Variants in CSMD2 observed in about 807,000 individuals in gnomAD.
CSMD2 encodes CUB and Sushi multiple domains 2.
CSMD2 carries 130 observed loss-of-function variants against 398.5 expected under a neutral mutation model. That is an observed-to-expected ratio of 0.33 (90% confidence interval 0.28 to 0.38). CSMD2 has a LOEUF of 0.38. CSMD2 is among the 10% of genes least tolerant of loss of function. CSMD2 has a pLI of 1.00. For missense variants in CSMD2, 3,829 were observed against 4,764.9 expected, an observed-to-expected ratio of 0.80 and a Z score of 5.78; for synonymous variants, 1,828 against 1,908.5, an observed-to-expected ratio of 0.96 and a Z score of 1.10.
At chr1:33,769,327 C>A (rs2149322135) in intron 13 of CSMD2, among the ~76,000 whole-genome samples, 1 of 152,270 alleles carries the variant, frequency 6.6e-6, no homozygotes, top group South Asian at 2.1e-4. Context: ...AACTCTGAAT[C>A]CAATGCATGG....
At chr1:33,598,308 G>GAGA (rs2148794539) in intron 44 of CSMD2, among the ~76,000 whole-genome samples, 1 of 152,244 alleles carries the variant, frequency 6.6e-6, no homozygotes, top group South Asian at 2.1e-4. Context: ...TGCCTCTCTT[G>GAGA]CTCACTCATC....
intron 3 of CSMD2, among the ~76,000 whole-genome samples, chr1:33,995,761 T>C (rs774577292): frequency 1.3e-5 from 2 of 152,242 alleles, no homozygotes; most frequent in Admixed American, 1.3e-4. Context: ...AATGGACTTA[T>C]CGCGAATAGG....
chr1:34,041,071 G>GCTAT (rs1484922828), intron 2 of CSMD2, among the ~76,000 whole-genome samples: 3 of 152,122 alleles, frequency 2.0e-5, no homozygotes, highest in Non-Finnish European at 4.4e-5. Context: ...GCTGCAGTGA[G>GCTAT]CTATGATCAT....
Position 33,847,594 on chromosome 1 carries a change from T to C in CSMD2, c.921-598A>G, listed in dbSNP as rs140686782. On this transcript the variant is annotated intron_variant, in intron 5 of 70. Coordinates refer to ENST00000373381, the MANE Select transcript of CSMD2 (RefSeq NM_001281956.2). ...AATCGAGGTCAGTATCTGGCACATGTTAGCTTAATAAATATAATTTTCCTT... is the reference window on the plus strand; with the variant it reads ...AATCGAGGTCAGTATCTGGCACATGCTAGCTTAATAAATATAATTTTCCTT... 4.9e-3 allele frequency among the ~76,000 whole-genome samples: 742 copies of C among 152,178 alleles called. 6 individuals are homozygous for C. Among genetic ancestry groups the C allele is most frequent in the African/African-American group, 0.017 (695 of 41,526 alleles).
intron 6 of CSMD2, among the ~76,000 whole-genome samples, chr1:33,831,135 C>T (rs9729632): frequency 0.78 from 118,864 of 151,434 alleles, 47,495 homozygotes; most frequent in East Asian, 0.94. Flanking sequence ...GGCAGGCCAA[C>T]GTTCAGATTC....
intron 5 of CSMD2, among the ~76,000 whole-genome samples, chr1:33,886,339 G>A (rs779129904): frequency 1.3e-5 from 2 of 152,198 alleles, no homozygotes; most frequent in Non-Finnish European, 1.5e-5. Context: ...TGTTCCAGGT[G>A]TGAGAGCACC....
intron 1 of CSMD2, among the ~76,000 whole-genome samples, chr1:34,145,489 C>T (rs1469209845): frequency 1.3e-5 from 2 of 152,358 alleles, no homozygotes; most frequent in African/African-American, 2.4e-5. Context: ...CCCTTGGCAG[C>T]ATCTCCCAGT....
At chr1:33,761,584 A>C (rs1195681471) in intron 13 of CSMD2, among the ~76,000 whole-genome samples, 1 of 152,182 alleles carries the variant, frequency 6.6e-6, no homozygotes, top group Non-Finnish European at 1.5e-5. Context: ...TCAGGACTGT[A>C]GGCCCAGGTC....
rs185018011 is a variant in CSMD2, at chr1:33,533,271, G to A, written c.9992-42C>T. The A allele has an allele frequency of 5.7e-5, 89 of 1,567,706 alleles. No homozygotes were observed. The East Asian group carries it at 1.1e-3, about 20-fold the overall frequency. On this transcript the variant is annotated intron_variant, in intron 63 of 70. Coordinates refer to ENST00000373381, the MANE Select transcript of CSMD2 (RefSeq NM_001281956.2). This position sits in a 1 kb window ranked among gnomAD's most constrained non-coding sequence, Gnocchi z 4.2. The stretch of plus-strand genomic sequence containing the variant: ...ACCCTGTTGGACTGGAGGAGATTAG[G>A]GGCTTCAGGGGCCCTTTCGACCATT...
At chr1:33,608,199 C>G (rs1341965310) in intron 41 of CSMD2, among the ~76,000 whole-genome samples, 1 of 152,062 alleles carries the variant, frequency 6.6e-6, no homozygotes, top group Admixed American at 6.5e-5. Flanking sequence ...CCTCTTCTGT[C>G]GAGGGAGTCA....
intron 44 of CSMD2, chr1:33,592,267 T>C (rs1639511256): frequency 1.5e-6 from 1 of 672,606 alleles, no homozygotes; most frequent in South Asian, 1.6e-5. Flanking sequence ...ACATGGAAAG[T>C]AGAAGAGCAG....
At chr1:33,601,805 T>C (rs1216158473) in intron 43 of CSMD2, among the ~76,000 whole-genome samples, 1 of 152,256 alleles carries the variant, frequency 6.6e-6, no homozygotes, top group African/African-American at 2.4e-5. Context: ...CATGGCTATT[T>C]ACATTTAAAT....
intron 4 of CSMD2, among the ~76,000 whole-genome samples, chr1:33,925,714 T>C (rs1303366103): frequency 2.6e-5 from 4 of 152,064 alleles, no homozygotes; most frequent in African/African-American, 9.7e-5. Context: ...GTTGGAACCA[T>C]CAATAACCCC....
chr1:33,572,169 A>G (rs1323102440), intron 50 of CSMD2, among the ~76,000 whole-genome samples: 1 of 152,212 alleles, frequency 6.6e-6, no homozygotes, highest in African/African-American at 2.4e-5. Context: ...GGAGGTTGCC[A>G]TTTTGTGATC....
chr1:33,769,252 C>A (rs766193540), intron 13 of CSMD2, among the ~76,000 whole-genome samples: 3 of 152,218 alleles, frequency 2.0e-5, no homozygotes, highest in African/African-American at 7.2e-5. Flanking sequence ...AGAATATATG[C>A]AGCCTGGCCA....
chr1:33,667,854 G>A (rs1283441321), intron 25 of CSMD2, among the ~76,000 whole-genome samples: 3 of 152,282 alleles, frequency 2.0e-5, no homozygotes, highest in South Asian at 2.1e-4. Context: ...TCACTTAAGC[G>A]CCTCCCATAT....
intron 1 of CSMD2, among the ~76,000 whole-genome samples, chr1:34,122,033 AT>A (rs1430096141): frequency 7.1e-6 from 1 of 141,322 alleles, no homozygotes; most frequent in Non-Finnish European, 1.5e-5. Flanking sequence ...TCCACTTTTC[AT>A]CTCTCTTTCC....
chr1:33,577,650 C>G (rs1638378747), intron 48 of CSMD2, among the ~76,000 whole-genome samples, 166 bp from the exon 49 acceptor site: 1 of 152,136 alleles, frequency 6.6e-6, no homozygotes, highest in South Asian at 2.1e-4. Context: ...GAAAAACACC[C>G]AGTCAGGTTG....
At position 34,000,038 on chromosome 1, in the gene CSMD2, T is replaced by G. The variant is rs76775537; in HGVS notation, c.517+32556A>C. Among the ~76,000 whole-genome samples, 80 of 152,276 alleles carry G rather than the reference T, an allele frequency of 5.3e-4. 1 individual carries two copies. The East Asian group carries it at 0.014, about 27-fold the overall frequency. The stretch of plus-strand genomic sequence containing the variant: ...CAAAAATACAGAGGAGTAGAAACTG[T>G]ATCTTTAGGGAAACAAGGAAATGGG... On this transcript the variant is annotated intron_variant, in intron 3 of 70. Transcript: ENST00000373381.
Sources: allele counts gnomAD v4.1 joint callset (sites outside exome capture counted in the v4.1 genomes callset), GRCh38; gene constraint gnomAD v4.1.1; non-coding constraint Gnocchi (gnomAD v3.1); transcripts MANE v1.5; gene names NCBI Gene and HGNC (gene_info 2026-07-23, HGNC 2026-07-21).